Variants in ZNF37A observed in about 807,000 individuals in gnomAD.
ZNF37A encodes the protein zinc finger protein 37a (KOX 21).
A neutral mutation model predicts 12.3 loss-of-function variants in ZNF37A; 10 were observed. The observed-to-expected ratio is 0.82, with a 90% confidence interval of 0.50 to 1.38. The LOEUF (loss-of-function observed/expected upper bound fraction) is 1.38. ZNF37A is among the 40% of genes most tolerant of loss of function. The probability of loss-of-function intolerance (pLI) is 0.00; values close to 1 mark genes in which losing one functional copy is unlikely to be tolerated. For missense variants in ZNF37A, 580 were observed against 651.2 expected (o/e 0.89, Z 1.19); for synonymous variants, 207 against 223.0 (o/e 0.93, Z 0.64).
chr10:38,106,268 G>A (rs1341601651), intron 5 of ZNF37A, among the ~76,000 whole-genome samples: 1 of 152,124 alleles, frequency 6.6e-6, no homozygotes, highest in Non-Finnish European at 1.5e-5. Context: ...CTATTAGAAG[G>A]AAAACTAACA....
intron 5 of ZNF37A, among the ~76,000 whole-genome samples, chr10:38,112,736 T>TCGGTCTCGGTCTCGG (rs1564931750): frequency 1.2e-4 from 2 of 17,108 alleles, no homozygotes; most frequent in African/African-American, 2.4e-4. Flanking sequence ...ATCCATTTTC[T>TCGGTCTCGGTCTCGG]TTTCTTTTCT....
Position 38,135,810 on chromosome 10 carries a change from ACTCT to A in ZNF37A, c.239-10920_239-10917del, listed in dbSNP as rs1471447858. Among the ~76,000 whole-genome samples, 4 of 152,002 alleles carry A rather than the reference ACTCT, an allele frequency of 2.6e-5. No individual in the cohort carries two copies. In the East Asian group the frequency reaches 7.8e-4, roughly 29 times the overall value. On this transcript the variant is annotated intron_variant, in intron 7 of 7. Coordinates refer to the ZNF37A transcript ENST00000638053. ...AAACCATCAAATCTTGTGAGAAATC[ACTCT>A]CACAAGAACAGCATGGGGAAAACCA...
intron 7 of ZNF37A, among the ~76,000 whole-genome samples, chr10:38,133,220 T>A (rs2070057383): frequency 1.3e-5 from 2 of 152,222 alleles, no homozygotes; most frequent in Non-Finnish European, 2.9e-5. Context: ...TAAAAATTAA[T>A]TCTGCCTATT....
At chr10:38,125,372 C>T (rs1196770468), downstream of ZNF37A, 1 of 152,064 alleles carries the variant, frequency 6.6e-6, no homozygotes, top group Non-Finnish European at 1.5e-5. Context: ...GGAAAGTTCA[C>T]TACAGAAAAA....
intron 4 of ZNF37A, 49 bp from the exon 5 acceptor site, chr10:38,096,525 G>T: frequency 7.3e-7 from 1 of 1,378,592 alleles, no homozygotes; most frequent in South Asian, 1.3e-5. Flanking sequence ...CTGCGAAGTG[G>T]ACCTTTTAAG....
chr10:38,103,175 G>A (rs2067734736), intron 5 of ZNF37A, among the ~76,000 whole-genome samples: 1 of 151,946 alleles, frequency 6.6e-6, no homozygotes, highest in African/African-American at 2.4e-5. Flanking sequence ...TTAACTTGTG[G>A]GTATGTTTGA....
chr10:38,128,682 G>A (rs569358206), downstream of ZNF37A, among the ~76,000 whole-genome samples: 1 of 152,170 alleles, frequency 6.6e-6, no homozygotes, highest in African/African-American at 2.4e-5. Context: ...CTGAGTCAGA[G>A]ACAGTAAATT....
chr10:38,111,934 G>T lies in ZNF37A; in HGVS notation c.16-2821G>T, dbSNP rs1427407800. 4.2e-5 allele frequency among the ~76,000 whole-genome samples: 6 copies of T among 141,494 alleles called. No individual in the cohort carries two copies. The East Asian group carries it at 1.3e-3, about 30-fold the overall frequency. 92.8% of individuals were successfully genotyped at this position (141,494 alleles called of 152,430 possible). A position where few individuals can be genotyped will look rare whatever the true frequency, so the allele number is the denominator to read the frequency against. Reference sequence around the variant, plus strand: ...ATGATCTTTTTTTTTTTTTTGAGACGGAGTCTCACTTTGCCACCCAGGCTA... The same window carrying T: ...ATGATCTTTTTTTTTTTTTTGAGACTGAGTCTCACTTTGCCACCCAGGCTA... On this transcript the variant is annotated intron_variant, in intron 5 of 7. Coordinates refer to ENST00000685332, the MANE Select transcript of ZNF37A (RefSeq NM_001324250.3).
intron 7 of ZNF37A, chr10:38,143,310 TG>T (rs1166312148): frequency 6.6e-6 from 1 of 152,240 alleles, no homozygotes; most frequent in Non-Finnish European, 1.5e-5. Flanking sequence ...GGGGACTCAC[TG>T]GAAAGATATG....
At position 38,135,412 on chromosome 10, in the gene ZNF37A, A is replaced by G. The variant is rs771371417; in HGVS notation, c.239-11320A>G. 8.9e-4 allele frequency among the ~76,000 whole-genome samples: 135 copies of G among 152,302 alleles called. 1 individual carries two copies. The Middle Eastern group carries it at 0.02, about 23-fold the overall frequency. The stretch of plus-strand genomic sequence containing the variant: ...AAAAACAAAACAAAACTGTTTTTCT[A>G]CAATTTCATCCTACTTTCTGTTGTT... On this transcript the variant is annotated intron_variant, in intron 7 of 7. Transcript: ENST00000638053.
chr10:38,149,623 A>C (rs575532361), exon 8 of ZNF37A: 1 of 130,394 alleles, frequency 7.7e-6, no homozygotes, highest in South Asian at 2.5e-4. Context: ...CGCCCAGGCC[A>C]GAGAGCAGTG....
At chr10:38,131,390 A>G (rs2070024990) in intron 7 of ZNF37A, among the ~76,000 whole-genome samples, 2 of 152,096 alleles carry the variant, frequency 1.3e-5, no homozygotes, top group Admixed American at 6.6e-5. Context: ...TAAGGGTCCA[A>G]CTTCATTGTT....
At chr10:38,131,073 G>A (rs1414592136) in intron 7 of ZNF37A, among the ~76,000 whole-genome samples, 4 of 151,996 alleles carry the variant, frequency 2.6e-5, no homozygotes, top group Non-Finnish European at 5.9e-5. Flanking sequence ...TTGTGGTGGC[G>A]TTATTCATGT....
intron 7 of ZNF37A, chr10:38,137,976 CT>C (rs1352189563): frequency 6.6e-6 from 1 of 152,168 alleles, no homozygotes; most frequent in Admixed American, 6.5e-5. Flanking sequence ...ATTGGAAGTC[CT>C]AATTTGTTCC....
At chr10:38,127,749 G>A (rs764959088), downstream of ZNF37A, among the ~76,000 whole-genome samples, 4 of 152,148 alleles carry the variant, frequency 2.6e-5, no homozygotes, top group East Asian at 1.9e-4. Context: ...AATACTAGCC[G>A]AATTCGTGAC....
chr10:38,142,930 T>G (rs1328942891), intron 7 of ZNF37A: 2 of 152,244 alleles, frequency 1.3e-5, no homozygotes, highest in Non-Finnish European at 2.9e-5. Flanking sequence ...TTAGAAAAAC[T>G]CAAGAAGGCC....
chr10:38,101,822 TC>T (rs1443741547), intron 5 of ZNF37A, among the ~76,000 whole-genome samples: 4 of 137,082 alleles, frequency 2.9e-5, no homozygotes, highest in Non-Finnish European at 4.6e-5. Flanking sequence ...CTTTTATTTT[TC>T]TTTTTTTTTT....
At chr10:38,138,576 G>T (rs1013489324) in intron 7 of ZNF37A, 5 of 152,176 alleles carry the variant, frequency 3.3e-5, no homozygotes, top group African/African-American at 1.2e-4. Context: ...TTGGACTAAG[G>T]TTAGAATACT....
chr10:38,144,980 A>G, intron 7 of ZNF37A, among the ~76,000 whole-genome samples: 1 of 152,164 alleles, frequency 6.6e-6, no homozygotes, highest in East Asian at 1.9e-4. Context: ...ATGGATTTAT[A>G]TAGGAATTTT....
Sources: allele counts gnomAD v4.1 joint callset (sites outside exome capture counted in the v4.1 genomes callset), GRCh38; gene constraint gnomAD v4.1.1; transcripts MANE v1.5; gene names NCBI Gene and HGNC (gene_info 2026-07-23, HGNC 2026-07-21).